Variants in NR5A2 observed in about 807,000 individuals in gnomAD.
NR5A2 encodes the protein nuclear receptor subfamily 5 group A member 2.
In NR5A2, 26 loss-of-function variants were observed where a neutral mutation model predicts 62.7. The observed-to-expected ratio is 0.41, with a 90% CI of 0.30 to 0.58. The LOEUF (loss-of-function observed/expected upper bound fraction) is 0.58, where lower values mean the gene tolerates loss of function less well. NR5A2 is among the 20% of genes least tolerant of loss of function. NR5A2 has a pLI of 0.22. For synonymous variants in NR5A2, 246 were observed against 241.7 expected, an observed-to-expected ratio of 1.02 and a Z score of -0.16; for missense variants, 541 against 669.1, an observed-to-expected ratio of 0.81 and a Z score of 2.11.
At chr1:200,118,593 C>G (rs968473568) in intron 6 of NR5A2, among the ~76,000 whole-genome samples, 19 of 152,204 alleles carry the variant, frequency 1.2e-4, no homozygotes, top group African/African-American at 4.3e-4. Flanking sequence ...TGGCTTTTGC[C>G]ACCACTGTTG....
In NR5A2 at chr1:200,039,902, T is replaced by A. The variant is rs1661986329; in HGVS notation, c.202+107T>A. On this transcript the variant is annotated intron_variant, in intron 2 of 7. Coordinates refer to ENST00000367362, the MANE Select transcript of NR5A2 (RefSeq NM_205860.3). This position sits in a 1 kb window ranked among gnomAD's most constrained non-coding sequence, Gnocchi z 5.1. ...CGCGCGGGCGCGGGAGTAGCCCCGC[T>A]GGGCGCTCGCAGCCGCGGGAGTCAA... The A allele has an allele frequency of 1.3e-5, 17 of 1,310,306 alleles. No individual in the cohort carries two copies. In the South Asian group the frequency reaches 2.5e-4, roughly 19 times the overall value. The allele number at this position is 1,310,306 out of a possible 1,614,324, so 81.2% of individuals were successfully genotyped here.
Position 200,039,635 on chromosome 1 carries a change from G to A in NR5A2, c.65-23G>A. On this transcript the variant is annotated intron_variant, in intron 1 of 7. Coordinates refer to ENST00000367362, the MANE Select transcript of NR5A2 (RefSeq NM_205860.3). The surrounding 1 kb of genome is among the most constrained non-coding windows in gnomAD (Gnocchi z 5.1). ...CCCCTTCCTTCTTTTCGCCGGAGTTGAATCTGTGCTGCCCGTGTCCAGGTG... is the reference window on the plus strand; with the variant it reads ...CCCCTTCCTTCTTTTCGCCGGAGTTAAATCTGTGCTGCCCGTGTCCAGGTG... The A allele has an allele frequency of 6.2e-7, 1 of 1,609,226 alleles. No individual in the cohort carries two copies. Among genetic ancestry groups the A allele is most frequent in the Non-Finnish European group, 8.5e-7 (1 of 1,178,076 alleles).
In NR5A2 at chr1:200,111,186, T is replaced by C. The variant is rs375210971; in HGVS notation, c.1111-16T>C. The C allele has an allele frequency of 1.9e-6, 3 of 1,601,760 alleles. No homozygotes were observed. Among genetic ancestry groups the C allele is most frequent in the Admixed American group, 3.5e-5 (2 of 56,710 alleles). On this transcript the variant is annotated splice_polypyrimidine_tract_variant and intron_variant, in intron 5 of 7. Coordinates refer to ENST00000367362, the MANE Select transcript of NR5A2 (RefSeq NM_205860.3). Reference sequence around the variant, plus strand: ...TTTTTGTTTTTTTTGTTTGTTTGTTTCTATTTCTTTTGCAGGTTGATGACC... The same window carrying C: ...TTTTTGTTTTTTTTGTTTGTTTGTTCCTATTTCTTTTGCAGGTTGATGACC...
At chr1:200,079,048 T>C (rs1315316203) in intron 5 of NR5A2, among the ~76,000 whole-genome samples, 4 of 152,182 alleles carry the variant, frequency 2.6e-5, no homozygotes, top group African/African-American at 9.7e-5. Context: ...AAACAGAAAT[T>C]CTAATCCTCA....
intron 7 of NR5A2, among the ~76,000 whole-genome samples, chr1:200,133,578 T>TATATATACACATATATATATATACAC (rs1667081438): frequency 3.2e-5 from 4 of 126,358 alleles, no homozygotes; most frequent in African/African-American, 9.2e-5. Context: ...TATATACACA[T>TATATATACACATATATATATATACAC]ATATATACAC....
At chr1:200,152,142 G>A (rs1404881533) in intron 7 of NR5A2, among the ~76,000 whole-genome samples, 2 of 152,138 alleles carry the variant, frequency 1.3e-5, no homozygotes, top group Non-Finnish European at 2.9e-5. Context: ...AGTCTGGGTG[G>A]GGGACTCTCA....
At chr1:200,092,498 C>G (rs1664861924) in intron 5 of NR5A2, among the ~76,000 whole-genome samples, 2 of 152,124 alleles carry the variant, frequency 1.3e-5, no homozygotes, top group African/African-American at 4.8e-5. Flanking sequence ...CCATACTTCA[C>G]CATATTGATC....
intron 5 of NR5A2, among the ~76,000 whole-genome samples, chr1:200,050,749 G>A (rs1033471418): frequency 5.3e-5 from 8 of 152,116 alleles, no homozygotes; most frequent in Non-Finnish European, 8.8e-5. Context: ...AAAATTAGCC[G>A]GGCTTGGTGG....
chr1:200,036,226 C>T (rs908014018), intron 1 of NR5A2, among the ~76,000 whole-genome samples: 1 of 152,176 alleles, frequency 6.6e-6, no homozygotes, highest in African/African-American at 2.4e-5. Flanking sequence ...ATATTGTGGC[C>T]TCGGGAACCC....
At position 200,120,916 on chromosome 1, in the gene NR5A2, G is replaced by C. The variant is rs1162282318; in HGVS notation, c.1339G>C (p.Glu447Gln). ...KLRSLQFDQR[E>Q]FVCLKFLVLF... is the part of the protein sequence containing the mutation. ...TCGTTCTCTCCAGTTTGATCAACGAGAGTTCGTATGTCTGAAATTCTTGGT... is the reference window on the plus strand; with the variant it reads ...TCGTTCTCTCCAGTTTGATCAACGACAGTTCGTATGTCTGAAATTCTTGGT... The change falls in exon 7 of 8, where the codon GAG (glutamate) becomes CAG (glutamine). Residue 447 changes from glutamate to glutamine, a missense_variant. Coordinates refer to ENST00000367362, the MANE Select transcript of NR5A2 (RefSeq NM_205860.3). The C allele has an allele frequency of 1.2e-6, 2 of 1,613,966 alleles. No homozygotes were observed. Among genetic ancestry groups the C allele is most frequent in the South Asian group, 2.2e-5 (2 of 91,064 alleles).
intron 1 of NR5A2, among the ~76,000 whole-genome samples, chr1:200,035,858 G>T (rs1358253629): frequency 6.6e-6 from 1 of 152,200 alleles, no homozygotes; most frequent in East Asian, 1.9e-4. Flanking sequence ...TTTGCCAGAA[G>T]TTGGCAGAGG....
At chr1:200,035,578 C>G (rs1200499265) in intron 1 of NR5A2, among the ~76,000 whole-genome samples, 1 of 152,098 alleles carries the variant, frequency 6.6e-6, no homozygotes. Context: ...TGCATCCTCG[C>G]GAGTGGGGAG....
At chr1:200,031,365 G>A (rs1051844539) in intron 1 of NR5A2, among the ~76,000 whole-genome samples, 2 of 151,888 alleles carry the variant, frequency 1.3e-5, no homozygotes, top group African/African-American at 2.4e-5. Context: ...TAAATAATTA[G>A]CTGGGTGTGG....
chr1:200,043,772 AGT>A lies in NR5A2; in HGVS notation c.204_205del (p.Gln70IlefsTer2), dbSNP rs1355723955. 1 of 1,578,228 alleles carries A rather than the reference AGT, an allele frequency of 6.3e-7. No homozygotes were observed. Among genetic ancestry groups the A allele is most frequent in the Non-Finnish European group, 8.7e-7 (1 of 1,149,356 alleles). On this transcript the variant is annotated splice_acceptor_variant and coding_sequence_variant, in exon 3 of 8. Transcript: ENST00000367362. LOFTEE classifies it high-confidence loss of function. ...GTGTATACATTTCTCTTTTTGTTTCAGTGTCTCAATTTAAAATGGTGAATTAC... is the reference window on the plus strand; with the variant it reads ...GTGTATACATTTCTCTTTTTGTTTCAGTCTCAATTTAAAATGGTGAATTAC...
At chr1:200,142,658 A>G (rs1334465751) in intron 7 of NR5A2, among the ~76,000 whole-genome samples, 1 of 152,144 alleles carries the variant, frequency 6.6e-6, no homozygotes. Flanking sequence ...CCTCCCACAT[A>G]GCTGGGACTG....
At chr1:200,081,794 A>G (rs916338356) in intron 5 of NR5A2, among the ~76,000 whole-genome samples, 2 of 151,182 alleles carry the variant, frequency 1.3e-5, no homozygotes, top group African/African-American at 2.4e-5. Flanking sequence ...CAGCAATAGA[A>G]GAGGCATACT....
At position 200,174,112 on chromosome 1, in the gene NR5A2, A is replaced by G; in HGVS notation, c.1528A>G (p.Ser510Gly). The G allele has an allele frequency of 6.2e-7, 1 of 1,613,932 alleles. No homozygotes were observed. Among genetic ancestry groups the G allele is most frequent in the Non-Finnish European group, 8.5e-7 (1 of 1,179,998 alleles). The change falls in exon 8 of 8, where the codon AGT becomes GGT. Residue 510 changes from serine to glycine, a missense_variant. By Grantham distance (56) the Ser-to-Gly change is moderately conservative (BLOSUM62 0). Around this residue, in one of 3 missense-constraint regions of NR5A2, gnomAD observed 379 missense variants for 442.0 expected, o/e 0.86. Coordinates refer to ENST00000367362, the MANE Select transcript of NR5A2 (RefSeq NM_205860.3). ...TCGACTACCCGAAATCCGGGCCATC[A>G]GTATGCAGGCTGAAGAATACCTCTA... ...LLRLPEIRAISMQAEEYLYYK... is the reference protein window; with the variant it reads ...LLRLPEIRAIGMQAEEYLYYK...
intron 5 of NR5A2, among the ~76,000 whole-genome samples, chr1:200,106,232 T>A (rs192590840): frequency 6.6e-6 from 1 of 152,264 alleles, no homozygotes; most frequent in African/African-American, 2.4e-5. Flanking sequence ...TAATTTTTTG[T>A]ATTTTTAGTA....
At chr1:200,030,638 A>G (rs904322592) in intron 1 of NR5A2, among the ~76,000 whole-genome samples, 3 of 152,252 alleles carry the variant, frequency 2.0e-5, no homozygotes, top group Admixed American at 6.5e-5. Flanking sequence ...GAAAAGAGCC[A>G]TATCTGTGTG....
Sources: gnomAD v4.1 joint callset for allele counts (sites outside exome capture counted in the v4.1 genomes callset) on GRCh38, gnomAD v4.1.1 for gene constraint, gnomAD v4.1.1 regional missense constraint, Gnocchi (gnomAD v3.1) non-coding constraint, MANE v1.5 for transcripts, NCBI Gene and HGNC (gene_info 2026-07-23, HGNC 2026-07-21) for gene names.